The following CNTN2 variants were observed in gnomAD, a reference collection of about 807,000 sequenced individuals.
CNTN2 encodes contactin-2.
A neutral mutation model predicts 117.5 loss-of-function variants in CNTN2; 53 were observed. The observed-to-expected ratio is 0.45, with a 90% CI of 0.36 to 0.57. The LOEUF (loss-of-function observed/expected upper bound fraction) is 0.57. Among genes scored for constraint, CNTN2 ranks in the 20% least tolerant of loss-of-function variants. The pLI, the probability that CNTN2 is intolerant of heterozygous loss-of-function variation, is 0.00. For synonymous variants in CNTN2, 530 were observed against 561.7 expected, an observed-to-expected ratio of 0.94 and a Z score of 0.80; for missense variants, 1,106 against 1,404.3, an observed-to-expected ratio of 0.79 and a Z score of 3.39.
chr1:205,066,988 G>A, intron 15 of CNTN2, 113 bp from the exon 16 acceptor site: 1 of 1,317,040 alleles, frequency 7.6e-7, no homozygotes, highest in South Asian at 1.5e-5. Context: ...TTAGTATATG[G>A]CAAGTACCGA....
chr1:205,059,859 G>C lies in CNTN2; in HGVS notation c.797+177G>C. ...CACTGGACAGTACCTCTCTGGGTGAGGCATCGCATATGCCAGGGGCCTTCC... is the reference window on the plus strand; with the variant it reads ...CACTGGACAGTACCTCTCTGGGTGACGCATCGCATATGCCAGGGGCCTTCC... On this transcript the variant is annotated intron_variant, in intron 7 of 22. Coordinates refer to ENST00000331830, the MANE Select transcript of CNTN2 (RefSeq NM_005076.5). The surrounding 1 kb of genome is among the most constrained non-coding windows in gnomAD (Gnocchi z 5.6). 1.7e-6 allele frequency: 1 copy of C among 601,558 alleles called. No homozygotes were observed. Among genetic ancestry groups the C allele is most frequent in the Non-Finnish European group, 3.0e-6 (1 of 335,748 alleles). 37.3% of individuals were successfully genotyped at this position (601,558 alleles called of 1,614,324 possible).
At position 205,064,641 on chromosome 1, in the gene CNTN2, T is replaced by C. The variant is rs369605297; in HGVS notation, c.1410T>C (p.Asp470=). The C allele has an allele frequency of 6.2e-7, 1 of 1,614,148 alleles. No individual in the cohort carries two copies. Among genetic ancestry groups the C allele is most frequent in the Non-Finnish European group, 8.5e-7 (1 of 1,180,014 alleles). ...GCCACAGAGTGACTGTAACTCCAGA[T>C]GGCACCTTGATCATAAGAAACATCA... is the stretch of plus-strand genomic sequence containing the variant. ...VNSSRVTVTP[D]GTLIIRNISR... is the part of the protein sequence containing the mutation. The change falls in exon 12 of 23, where the codon GAT becomes GAC. Residue 470 remains aspartate, a synonymous_variant. Transcript: ENST00000331830.
chr1:205,061,203 C>A lies in CNTN2; in HGVS notation c.798-42C>A. On this transcript the variant is annotated intron_variant, in intron 7 of 22. Coordinates refer to ENST00000331830, the MANE Select transcript of CNTN2 (RefSeq NM_005076.5). The surrounding 1 kb of genome is among the most constrained non-coding windows in gnomAD (Gnocchi z 4.8). ...GAGCTGCGGGCACTGGAGGGGTAGG[C>A]CCAGCTCAGCCCACACCCTCTGGCT... The A allele has an allele frequency of 6.4e-7, 1 of 1,563,034 alleles. No individual in the cohort carries two copies.
rs191122323 is a variant in CNTN2 at position 205,073,073 on chromosome 1, G to A, written c.2850G>A (p.Leu950=). The A allele has an allele frequency of 3.1e-6, 5 of 1,614,052 alleles. No homozygotes were observed. The highest frequency in any genetic ancestry group is 2.2e-5 in the East Asian group (1 of 44,882). Residue 950 remains leucine (L), a synonymous_variant, in exon 22 of 23, where the codon CTG becomes CTA. Transcript: ENST00000331830. The surrounding 1 kb of genome is among the most constrained non-coding windows in gnomAD (Gnocchi z 6.3). Reference sequence around the variant, plus strand: ...TGGAAACCTCCTTCCCACAGATGCTGTACCAGAATGACTTACACCTGACTC... The same window carrying A: ...TGGAAACCTCCTTCCCACAGATGCTATACCAGAATGACTTACACCTGACTC... The part of the protein sequence containing the change: ...NESAVTGYKM[L]YQNDLHLTPT...
chr1:205,062,062 C>T (rs753518526), intron 9 of CNTN2, 61 bp downstream of exon 9: 11 of 1,569,388 alleles, frequency 7.0e-6, no homozygotes, highest in East Asian at 2.3e-5. Flanking sequence ...TTGGTTCCCT[C>T]CCCCGCCCAG....
intron 21 of CNTN2, 197 bp downstream of exon 21, chr1:205,072,792 G>C: frequency 1.5e-6 from 1 of 656,692 alleles, no homozygotes; most frequent in African/African-American, 1.8e-5. Flanking sequence ...CGGGCAGATG[G>C]TATCACTGCA....
At chr1:205,067,948 A>G (rs956241325) in intron 16 of CNTN2, 1 of 155,012 alleles carries the variant, frequency 6.5e-6, no homozygotes, top group Non-Finnish European at 1.4e-5. Flanking sequence ...AAAAAAAAAA[A>G]AAAAAAAGAA....
chr1:205,053,548 C>A (rs1244236887), intron 2 of CNTN2, among the ~76,000 whole-genome samples: 3 of 152,222 alleles, frequency 2.0e-5, no homozygotes, highest in African/African-American at 4.8e-5. Flanking sequence ...CAGATCTCCA[C>A]AATATCACCC....
intron 1 of CNTN2, among the ~76,000 whole-genome samples, chr1:205,052,650 C>G (rs995376309): frequency 4.6e-5 from 7 of 152,318 alleles, no homozygotes; most frequent in Middle Eastern, 6.8e-3. Context: ...TACTAGCCCC[C>G]ACCCAGACAG....
chr1:205,071,297 G>T (rs1251011074), intron 19 of CNTN2, among the ~76,000 whole-genome samples: 1 of 152,184 alleles, frequency 6.6e-6, no homozygotes, highest in Non-Finnish European at 1.5e-5. Context: ...TCCACAAAGG[G>T]GTACCTGTGG....
At position 205,073,332 on chromosome 1, in the gene CNTN2, A is replaced by C; in HGVS notation, c.3013+96A>C. The C allele has an allele frequency of 6.9e-7, 1 of 1,439,564 alleles. No homozygotes were observed. 89.2% of individuals were successfully genotyped at this position (1,439,564 alleles called of 1,614,324 possible). The stretch of plus-strand genomic sequence containing the variant: ...CCCACCCAGGCCAACTCCAATCTCT[A>C]CCCGCAAAGGAAAGTGGAAGGCAGG... On this transcript the variant is annotated intron_variant, in intron 22 of 22. Coordinates refer to ENST00000331830, the MANE Select transcript of CNTN2 (RefSeq NM_005076.5). This position sits in a 1 kb window ranked among gnomAD's most constrained non-coding sequence, Gnocchi z 6.3.
In CNTN2 at chr1:205,059,685, G is replaced by A. The variant is rs757490140; in HGVS notation, c.797+3G>A. On this transcript the variant is annotated splice_donor_region_variant and intron_variant, in intron 7 of 22. Coordinates refer to ENST00000331830, the MANE Select transcript of CNTN2 (RefSeq NM_005076.5). This position sits in a 1 kb window ranked among gnomAD's most constrained non-coding sequence, Gnocchi z 5.6. The stretch of plus-strand genomic sequence containing the variant: ...CTGGAGTGCTTCGCCTTTGGGAAGT[G>A]AGTGTGAAGAGGGAGGGGAAGCAGA... 1 of 1,609,342 alleles carries A rather than the reference G, an allele frequency of 6.2e-7. No individual in the cohort carries two copies. The highest frequency in any genetic ancestry group is 1.1e-5 in the South Asian group (1 of 90,508).
At chr1:205,053,329 G>A in intron 2 of CNTN2, 74 bp downstream of exon 2, 1 of 1,253,582 alleles carries the variant, frequency 8.0e-7, no homozygotes, top group Non-Finnish European at 1.1e-6. Flanking sequence ...TGATTTGGGT[G>A]ACGATTACAG....
chr1:205,061,366 G>A lies in CNTN2; in HGVS notation c.919G>A (p.Glu307Lys). ...TGAGGATGAGGGCACCTACGAGTGT[G>A]AGGCGGAGAACTCCAAGGGCCGAGA... ...SFEDEGTYEC[E>K]AENSKGRDTV... Residue 307 changes from glutamate to lysine, a missense_variant, in exon 8 of 23, where the codon GAG becomes AAG. By Grantham distance (56) the Glu-to-Lys change is moderately conservative (BLOSUM62 1). Transcript: ENST00000331830. This position sits in a 1 kb window ranked among gnomAD's most constrained non-coding sequence, Gnocchi z 4.8. The A allele has an allele frequency of 6.2e-7, 1 of 1,613,818 alleles. No homozygotes were observed. Among genetic ancestry groups the A allele is most frequent in the Middle Eastern group, 1.7e-4 (1 of 6,058 alleles).
At position 205,074,627 on chromosome 1, in the gene CNTN2, T is replaced by G. The variant is rs1654770236; in HGVS notation, c.*862T>G. 1 of 398,918 alleles carries G rather than the reference T, an allele frequency of 2.5e-6. No homozygotes were observed. Among genetic ancestry groups the G allele is most frequent in the Non-Finnish European group, 4.4e-6 (1 of 226,104 alleles). 24.7% of individuals were successfully genotyped at this position (398,918 alleles called of 1,614,324 possible). ...GGGTCTCCCACCCCTCCAAGACCCA[T>G]TCTGCACAGTCCCTCCAGGGTTTGG... is the stretch of plus-strand genomic sequence containing the variant. On this transcript the variant is annotated 3_prime_UTR_variant, in exon 23 of 23. Coordinates refer to ENST00000331830, the MANE Select transcript of CNTN2 (RefSeq NM_005076.5).
At chr1:205,050,782 C>A (rs148879295) in intron 1 of CNTN2, among the ~76,000 whole-genome samples, 1,580 of 152,260 alleles carry the variant, frequency 0.01, 38 homozygotes, top group African/African-American at 0.036. Context: ...CCATGCCCAG[C>A]AAATTTTTGT....
rs1653971059 is a variant in CNTN2, at chr1:205,061,372, G to A, written c.925G>A (p.Glu309Lys). The A allele has an allele frequency of 6.2e-7, 1 of 1,613,726 alleles. No individual in the cohort carries two copies. The highest frequency in any genetic ancestry group is 8.5e-7 in the Non-Finnish European group (1 of 1,179,822). Residue 309 changes from glutamate to lysine, a missense_variant, in exon 8 of 23, where the codon GAG becomes AAG. Transcript: ENST00000331830. The surrounding 1 kb of genome is among the most constrained non-coding windows in gnomAD (Gnocchi z 4.8). ...TGAGGGCACCTACGAGTGTGAGGCG[G>A]AGAACTCCAAGGGCCGAGACACCGT... ...EDEGTYECEA[E>K]NSKGRDTVQG...
At chr1:205,057,084 C>T (rs983019013) in intron 2 of CNTN2, 2 of 152,362 alleles carry the variant, frequency 1.3e-5, no homozygotes, top group Admixed American at 6.5e-5. Context: ...GTCCCCACCC[C>T]ACATGTGGCT....
Position 205,064,672 on chromosome 1 carries a change from T to C in CNTN2, c.1441T>C (p.Ser481Pro), listed in dbSNP as rs1362090710. The C allele has an allele frequency of 2.5e-6, 4 of 1,614,132 alleles. No individual in the cohort carries two copies. Among genetic ancestry groups the C allele is most frequent in the Non-Finnish European group, 2.5e-6 (3 of 1,179,992 alleles). ...GTLIIRNISR[S>P]DEGKYTCFAE... ...CTTGATCATAAGAAACATCAGCCGGTCAGATGAAGGCAAATACACCTGCTT... is the reference window on the plus strand; with the variant it reads ...CTTGATCATAAGAAACATCAGCCGGCCAGATGAAGGCAAATACACCTGCTT... Residue 481 changes from serine to proline, a missense_variant, in exon 12 of 23, where the codon TCA becomes CCA. Physicochemically the swap from Ser to Pro is moderately conservative, Grantham distance 74. Coordinates refer to ENST00000331830, the MANE Select transcript of CNTN2 (RefSeq NM_005076.5).
Sources: allele counts gnomAD v4.1 joint callset (sites outside exome capture counted in the v4.1 genomes callset), GRCh38; gene constraint gnomAD v4.1.1; non-coding constraint Gnocchi (gnomAD v3.1); transcripts MANE v1.5; gene names NCBI Gene and HGNC (gene_info 2026-07-23, HGNC 2026-07-21).